Variants in EEF2KMT observed in about 807,000 individuals in gnomAD.
EEF2KMT encodes protein-lysine N-methyltransferase EEF2KMT.
A neutral mutation model predicts 35.1 loss-of-function variants in EEF2KMT; 30 were observed. The observed-to-expected ratio is 0.85, with a 90% CI of 0.64 to 1.16. The LOEUF (loss-of-function observed/expected upper bound fraction) is 1.16. Ranked by LOEUF, EEF2KMT falls within the 50% of genes most tolerant of loss-of-function variation. The pLI, the probability that EEF2KMT is intolerant of heterozygous loss-of-function variation, is 0.00. For synonymous variants in EEF2KMT, 190 were observed against 187.7 expected (o/e 1.01, Z -0.10); for missense variants, 499 against 438.2 (o/e 1.14, Z -1.24).
chr16:5,084,753 C>A lies in EEF2KMT; in HGVS notation c.*879G>T. 1 of 1,595,734 alleles carries A rather than the reference C, an allele frequency of 6.3e-7. No individual in the cohort carries two copies. Among genetic ancestry groups the A allele is most frequent in the Admixed American group, 1.7e-5 (1 of 59,682 alleles). On this transcript the variant is annotated 3_prime_UTR_variant, in exon 8 of 8. Transcript: ENST00000427587. ...TCTGCTCTTTATTTTTTTGCAGATG[C>A]TTTTCTCAAACTTTCCTGATCCTGC...
intron 2 of EEF2KMT, 148 bp from the exon 3 acceptor site, chr16:5,093,712 T>G: frequency 1.3e-6 from 2 of 1,489,138 alleles, no homozygotes; most frequent in African/African-American, 2.8e-5. Flanking sequence ...CCCATGCATC[T>G]GAAGTTTGTC....
intron 7 of EEF2KMT, among the ~76,000 whole-genome samples, 171 bp downstream of exon 7, chr16:5,088,936 C>T (rs1190176720): frequency 6.6e-6 from 1 of 152,188 alleles, no homozygotes; most frequent in African/African-American, 2.4e-5. Context: ...TGCCGCAAGC[C>T]CCCCACGCCC....
In EEF2KMT at chr16:5,084,569, C is replaced by T. The variant is rs1444114263; in HGVS notation, c.*1063G>A. On this transcript the variant is annotated 3_prime_UTR_variant, in exon 8 of 8. Coordinates refer to ENST00000427587, the MANE Select transcript of EEF2KMT (RefSeq NM_201400.4). ...GGACATGCGGGGAAGTTTCCAGAAACTGTGATGTCAAGTTGGAGGCGGAGT... is the reference window on the plus strand; with the variant it reads ...GGACATGCGGGGAAGTTTCCAGAAATTGTGATGTCAAGTTGGAGGCGGAGT... The T allele has an allele frequency of 2.0e-6, 2 of 987,804 alleles. No individual in the cohort carries two copies. Among genetic ancestry groups the T allele is most frequent in the Non-Finnish European group, 3.0e-6 (2 of 661,068 alleles). The allele number at this position is 987,804 out of a possible 1,614,324, so 61.2% of individuals were successfully genotyped here.
chr16:5,084,432 C>A lies in EEF2KMT; in HGVS notation c.*1200G>T. 1.9e-6 allele frequency: 1 copy of A among 531,018 alleles called. No homozygotes were observed. Among genetic ancestry groups the A allele is most frequent in the Admixed American group, 3.2e-5 (1 of 31,648 alleles). The allele number at this position is 531,018 out of a possible 1,614,324, so 32.9% of individuals were successfully genotyped here. ...AAGAACACCGACACCCCCTTGTTAC[C>A]CACAGATGGGTGAGACTGCGTTGGC... On this transcript the variant is annotated 3_prime_UTR_variant, in exon 8 of 8. Coordinates refer to ENST00000427587, the MANE Select transcript of EEF2KMT (RefSeq NM_201400.4).
chr16:5,093,364 G>A, intron 3 of EEF2KMT, 120 bp downstream of exon 3: 3 of 1,507,986 alleles, frequency 2.0e-6, no homozygotes, highest in Non-Finnish European at 2.7e-6. Flanking sequence ...CCAGTTGCCT[G>A]GGGAGGCCCC....
chr16:5,090,281 C>T lies in EEF2KMT; in HGVS notation c.545G>A (p.Arg182Gln), dbSNP rs200554884. 8.2e-5 allele frequency: 132 copies of T among 1,611,790 alleles called. No individual in the cohort carries two copies. The Admixed American group carries it at 8.7e-4, about 11-fold the overall frequency. Residue 182 changes from arginine to glutamine, a missense_variant, in exon 6 of 8, where the codon CGG (arginine) becomes CAG (glutamine). Coordinates refer to ENST00000427587, the MANE Select transcript of EEF2KMT (RefSeq NM_201400.4). This position sits in a 1 kb window ranked among gnomAD's most constrained non-coding sequence, Gnocchi z 4.1. ...GLAICKMCRP[R>Q]AYIFSDCHSR... ...GTGACAGTCGCTGAAGATGTATGCCCGGGGGCGGCACATCTTGCAGATGGC... is the reference window on the plus strand; with the variant it reads ...GTGACAGTCGCTGAAGATGTATGCCTGGGGGCGGCACATCTTGCAGATGGC...
In EEF2KMT at chr16:5,097,792, G is replaced by C. The variant is rs1567184080; in HGVS notation, c.-53C>G. The C allele has an allele frequency of 1.2e-5, 18 of 1,526,066 alleles. No individual in the cohort carries two copies. The highest frequency in any genetic ancestry group is 2.5e-5 in the East Asian group (1 of 40,274). The allele number at this position is 1,526,066 out of a possible 1,614,324, so 94.5% of individuals were successfully genotyped here. A position where few individuals can be genotyped will look rare whatever the true frequency, so the allele number is the denominator to read the frequency against. ...GCAGACCGGGCGGAAGCCCGGCCTG[G>C]ACTGAAGAGGGGGCGGGCCCAGGGC... On this transcript the variant is annotated 5_prime_UTR_variant, in exon 1 of 8. Coordinates refer to ENST00000427587, the MANE Select transcript of EEF2KMT (RefSeq NM_201400.4).
rs1957323534 is a variant in EEF2KMT, at chr16:5,090,640, A to G, written c.343-75T>C. 11 of 1,585,368 alleles carry G rather than the reference A, an allele frequency of 6.9e-6. No individual in the cohort carries two copies. The highest frequency in any genetic ancestry group is 2.2e-5 in the East Asian group (1 of 44,708). Reference sequence around the variant, plus strand: ...GGCTTAGAAGACAAGTAGCCCCACCACATGGCTGAATAAACCATGACAGGA... The same window carrying G: ...GGCTTAGAAGACAAGTAGCCCCACCGCATGGCTGAATAAACCATGACAGGA... On this transcript the variant is annotated intron_variant, in intron 4 of 7. Transcript: ENST00000427587. This position sits in a 1 kb window ranked among gnomAD's most constrained non-coding sequence, Gnocchi z 4.1.
At chr16:5,091,081 C>A (rs9673927) in intron 4 of EEF2KMT, among the ~76,000 whole-genome samples, 57,488 of 151,468 alleles carry the variant, frequency 0.38, 11,587 homozygotes, top group Middle Eastern at 0.51. Flanking sequence ...TGTCCGGCTA[C>A]TTTTTGTACT....
At chr16:5,086,383 C>G (rs1464533634) in intron 7 of EEF2KMT, 1 of 151,918 alleles carries the variant, frequency 6.6e-6, no homozygotes, top group Non-Finnish European at 1.5e-5. Context: ...CCCACACACA[C>G]ACACAGCTTA....
chr16:5,093,636 A>G, intron 2 of EEF2KMT, 72 bp from the exon 3 acceptor site: 1 of 1,605,526 alleles, frequency 6.2e-7, no homozygotes, highest in Non-Finnish European at 8.5e-7. Flanking sequence ...AAGCCAACAC[A>G]GCAGAGGGCA....
Position 5,091,888 on chromosome 16 carries a change from G to C in EEF2KMT, c.248C>G (p.Ala83Gly). The C allele has an allele frequency of 6.2e-7, 1 of 1,611,900 alleles. No homozygotes were observed. The highest frequency in any genetic ancestry group is 8.5e-7 in the Non-Finnish European group (1 of 1,179,762). Residue 83 changes from alanine to glycine, a missense_variant, in exon 4 of 8, where the codon GCT (alanine) becomes GGT (glycine). Coordinates refer to ENST00000427587, the MANE Select transcript of EEF2KMT (RefSeq NM_201400.4). ...CTCGTCCAAAGGCTCTGTGTGGACA[G>C]CCTCGTGCTGGGGGCAGACAGAGTG... Reference protein sequence around the residue: ...FLSELIKKHEAVHTEPLDELY... With the variant: ...FLSELIKKHEGVHTEPLDELY...
rs1596279533 is a variant in EEF2KMT, at chr16:5,094,053, A to T, written c.160-489T>A. Among the ~76,000 whole-genome samples, 3 of 152,350 alleles carry T rather than the reference A, an allele frequency of 2.0e-5. No individual in the cohort carries two copies. The South Asian group carries it at 6.2e-4, about 32-fold the overall frequency. On this transcript the variant is annotated intron_variant, in intron 2 of 7. Coordinates refer to ENST00000427587, the MANE Select transcript of EEF2KMT (RefSeq NM_201400.4). ...TGAGCAAGTTCTAGGCAGTGGGAAC[A>T]GCTGGTGCAAGCTCTGAGGTGGCCA...
At position 5,085,713 on chromosome 16, in the gene EEF2KMT, C is replaced by G. The variant is rs1957136559; in HGVS notation, c.912G>C (p.Trp304Cys). Residue 304 changes from tryptophan to cysteine, a missense_variant, in exon 8 of 8, where the codon TGG (tryptophan) becomes TGC (cysteine). Physicochemically the swap from Trp to Cys is radical, Grantham distance 215. Transcript: ENST00000427587. The stretch of plus-strand genomic sequence containing the variant: ...TCTGCTCATGACGAGGTTCCACTTC[C>G]CATCTGATCCCGGCCCGGCCTGGAA... ...TTELGRAGIR[W>C]EVEPRHEQKL... The G allele has an allele frequency of 6.2e-7, 1 of 1,611,746 alleles. No homozygotes were observed. The highest frequency in any genetic ancestry group is 8.5e-7 in the Non-Finnish European group (1 of 1,179,674).
chr16:5,091,883 G>A lies in EEF2KMT; in HGVS notation c.253C>T (p.His85Tyr). Residue 85 changes from histidine (H) to tyrosine (Y), a missense_variant, in exon 4 of 8, where the codon CAC becomes TAC. Coordinates refer to ENST00000427587, the MANE Select transcript of EEF2KMT (RefSeq NM_201400.4). ...TACAGCTCGTCCAAAGGCTCTGTGTGGACAGCCTCGTGCTGGGGGCAGACA... is the reference window on the plus strand; with the variant it reads ...TACAGCTCGTCCAAAGGCTCTGTGTAGACAGCCTCGTGCTGGGGGCAGACA... Reference protein sequence around the residue: ...SELIKKHEAVHTEPLDELYEA... With the variant: ...SELIKKHEAVYTEPLDELYEA... 6.2e-7 allele frequency: 1 copy of A among 1,611,854 alleles called. No individual in the cohort carries two copies. The highest frequency in any genetic ancestry group is 8.5e-7 in the Non-Finnish European group (1 of 1,179,772).
intron 1 of EEF2KMT, among the ~76,000 whole-genome samples, chr16:5,096,227 T>C (rs1957461605): frequency 1.3e-5 from 2 of 152,334 alleles, no homozygotes; most frequent in African/African-American, 2.4e-5. Context: ...TGCCACCTCT[T>C]TGGGGAAGGC....
At position 5,085,677 on chromosome 16, in the gene EEF2KMT, G is replaced by A. The variant is rs267604573; in HGVS notation, c.948C>T (p.Pro316=). 6.2e-7 allele frequency: 1 copy of A among 1,611,894 alleles called. No homozygotes were observed. The highest frequency in any genetic ancestry group is 8.5e-7 in the Non-Finnish European group (1 of 1,179,766). Residue 316 remains proline, a synonymous_variant, in exon 8 of 8, where the codon CCC becomes CCT. Coordinates refer to ENST00000427587, the MANE Select transcript of EEF2KMT (RefSeq NM_201400.4). ...TTGCCATCTCCAAGTGCTCTTCGTAGGGAAACAGTTTCTGCTCATGACGAG... is the reference window on the plus strand; with the variant it reads ...TTGCCATCTCCAAGTGCTCTTCGTAAGGAAACAGTTTCTGCTCATGACGAG... ...VEPRHEQKLF[P]YEEHLEMAML...
Position 5,097,703 on chromosome 16 carries a change from G to T in EEF2KMT, c.37C>A (p.Leu13Met). 1.3e-6 allele frequency: 2 copies of T among 1,579,668 alleles called. No individual in the cohort carries two copies. Among genetic ancestry groups the T allele is most frequent in the Admixed American group, 1.8e-5 (1 of 56,196 alleles). Residue 13 changes from leucine to methionine, a missense_variant, in exon 1 of 8, where the codon CTG becomes ATG. Physicochemically the swap from Leu to Met is conservative, Grantham distance 15. Transcript: ENST00000427587. ...AGGAAGCGGCGCTCGAAACTCTGCA[G>T]CAAGAGTTCGGTCCCCGCGTTCTCC... Reference protein sequence around the residue: ...PEENAGTELLLQSFERRFLAA... With the variant: ...PEENAGTELLMQSFERRFLAA...
At chr16:5,089,656 G>T (rs1270935462) in intron 6 of EEF2KMT, among the ~76,000 whole-genome samples, 1 of 152,148 alleles carries the variant, frequency 6.6e-6, no homozygotes, top group African/African-American at 2.4e-5. Context: ...GGGTTTCAGG[G>T]CTGGGACCTA....
Sources: allele counts gnomAD v4.1 joint callset (sites outside exome capture counted in the v4.1 genomes callset), GRCh38; gene constraint gnomAD v4.1.1; non-coding constraint Gnocchi (gnomAD v3.1); transcripts MANE v1.5; gene names NCBI Gene and HGNC (gene_info 2026-07-23, HGNC 2026-07-21).